Variants in PTPRR observed in about 807,000 individuals in gnomAD.
PTPRR encodes receptor-type tyrosine-protein phosphatase R.
In PTPRR, 38 loss-of-function variants were observed where a neutral mutation model predicts 77.2. The ratio of observed to expected loss-of-function variants is 0.49; its 90% CI spans 0.38 to 0.65. PTPRR has a LOEUF of 0.65. Among genes scored for constraint, PTPRR ranks in the 30% least tolerant of loss-of-function variants. The pLI, the probability that PTPRR is intolerant of heterozygous loss-of-function variation, is 0.00. For synonymous variants in PTPRR, 299 were observed against 283.1 expected (o/e 1.06, Z -0.57); for missense variants, 744 against 799.2 (o/e 0.93, Z 0.83).
At chr12:70,784,655 C>G (rs1163736494) in intron 2 of PTPRR, among the ~76,000 whole-genome samples, 5 of 152,208 alleles carry the variant, frequency 3.3e-5, no homozygotes, top group African/African-American at 1.2e-4. Flanking sequence ...TCACTATTAG[C>G]TATAAAACAG....
At chr12:70,708,046 C>T (rs1888682198) in intron 6 of PTPRR, among the ~76,000 whole-genome samples, 1 of 152,006 alleles carries the variant, frequency 6.6e-6, no homozygotes, top group East Asian at 1.9e-4. Flanking sequence ...ATGTGCTTGC[C>T]CCAACACTTT....
At chr12:70,685,731 C>G (rs1462635260) in intron 8 of PTPRR, among the ~76,000 whole-genome samples, 1 of 152,152 alleles carries the variant, frequency 6.6e-6, no homozygotes. Context: ...CATAAAATAA[C>G]AAACAACATA....
intron 1 of PTPRR, among the ~76,000 whole-genome samples, chr12:70,897,641 C>T (rs144067317): frequency 5.9e-5 from 9 of 151,976 alleles, no homozygotes; most frequent in East Asian, 1.9e-4. Flanking sequence ...TTGACCCAGC[C>T]GTCCCATTAC....
intron 2 of PTPRR, among the ~76,000 whole-genome samples, chr12:70,773,490 T>C (rs1388403218): frequency 6.6e-6 from 1 of 152,200 alleles, no homozygotes; most frequent in Non-Finnish European, 1.5e-5. Context: ...TGTTCATTCC[T>C]GGTTGGAGAG....
intron 2 of PTPRR, among the ~76,000 whole-genome samples, chr12:70,807,739 T>C (rs1203066264): frequency 1.3e-5 from 2 of 152,170 alleles, no homozygotes; most frequent in African/African-American, 4.8e-5. Context: ...ATTTATCACT[T>C]CCCCAATCAA....
chr12:70,812,180 GTTAGA>G (rs1270266064), intron 2 of PTPRR, among the ~76,000 whole-genome samples: 1 of 152,144 alleles, frequency 6.6e-6, no homozygotes, highest in African/African-American at 2.4e-5. Flanking sequence ...TCTCAGAGGT[GTTAGA>G]TTAGAAAAGT....
At chr12:70,805,915 T>C (rs1428898573) in intron 2 of PTPRR, among the ~76,000 whole-genome samples, 3 of 152,242 alleles carry the variant, frequency 2.0e-5, no homozygotes, top group Admixed American at 1.3e-4. Flanking sequence ...ATTATGTATA[T>C]GTATTTCATA....
intron 2 of PTPRR, among the ~76,000 whole-genome samples, chr12:70,867,507 C>A (rs925791314): frequency 3.3e-5 from 5 of 151,880 alleles, no homozygotes; most frequent in African/African-American, 1.2e-4. Context: ...TCAAGGAGAA[C>A]TACAAACCAC....
intron 8 of PTPRR, among the ~76,000 whole-genome samples, chr12:70,687,950 G>A (rs1887928677): frequency 6.6e-6 from 1 of 152,116 alleles, no homozygotes; most frequent in Non-Finnish European, 1.5e-5. Context: ...TATGGAGATG[G>A]AAGCTAGCAC....
chr12:70,775,285 C>A (rs1891065089), intron 2 of PTPRR, among the ~76,000 whole-genome samples: 1 of 152,086 alleles, frequency 6.6e-6, no homozygotes, highest in Non-Finnish European at 1.5e-5. Context: ...TTTGTCAGTT[C>A]CCCACTACTG....
chr12:70,677,702 T>A (rs532179741), intron 10 of PTPRR, among the ~76,000 whole-genome samples: 1 of 152,234 alleles, frequency 6.6e-6, no homozygotes, highest in Non-Finnish European at 1.5e-5. Flanking sequence ...ACGTGATGTA[T>A]CATATTTATT....
At chr12:70,772,357 T>C (rs1890996913) in intron 2 of PTPRR, among the ~76,000 whole-genome samples, 1 of 152,174 alleles carries the variant, frequency 6.6e-6, no homozygotes, top group Admixed American at 6.5e-5. Context: ...TTAGGGGAAC[T>C]TCCCTCAGCT....
At chr12:70,894,484 A>C (rs767867515) in intron 1 of PTPRR, among the ~76,000 whole-genome samples, 3 of 151,724 alleles carry the variant, frequency 2.0e-5, no homozygotes, top group Non-Finnish European at 4.4e-5. Flanking sequence ...CTTAACCCCA[A>C]AGGAATCACT....
chr12:70,894,233 G>A (rs1347984571), intron 1 of PTPRR, among the ~76,000 whole-genome samples: 2 of 151,612 alleles, frequency 1.3e-5, no homozygotes, highest in East Asian at 3.9e-4. Context: ...TCATGCAAGC[G>A]TCTGTACTTT....
At chr12:70,675,715 A>G (rs1286877919) in intron 10 of PTPRR, among the ~76,000 whole-genome samples, 2 of 151,436 alleles carry the variant, frequency 1.3e-5, no homozygotes, top group South Asian at 2.1e-4. Context: ...TGTTTTGGTA[A>G]GATTTTTTTT....
chr12:70,887,366 T>G lies in PTPRR; in HGVS notation c.357+5313A>C, dbSNP rs11178477. Among the ~76,000 whole-genome samples the G allele has an allele frequency of 2.6e-5, 4 of 151,878 alleles. No homozygotes were observed. The East Asian group carries it at 7.7e-4, about 29-fold the overall frequency. Reference sequence around the variant, plus strand: ...ACTTGAGAGGCTGAGGCAGGAGAATTGCTTGAACCCAGGAGGCGAAGGTTG... The same window carrying G: ...ACTTGAGAGGCTGAGGCAGGAGAATGGCTTGAACCCAGGAGGCGAAGGTTG... On this transcript the variant is annotated intron_variant, in intron 2 of 13. Transcript: ENST00000283228.
intron 2 of PTPRR, among the ~76,000 whole-genome samples, chr12:70,876,836 A>G (rs1483414452): frequency 1.3e-5 from 2 of 152,232 alleles, no homozygotes; most frequent in African/African-American, 4.8e-5. Context: ...TTCAAAAAAA[A>G]TTTAGGTGAA....
intron 4 of PTPRR, among the ~76,000 whole-genome samples, chr12:70,758,593 C>T (rs963338485): frequency 3.3e-5 from 5 of 152,056 alleles, no homozygotes; most frequent in Non-Finnish European, 7.3e-5. Flanking sequence ...CCAGTCAGTC[C>T]GTGTAGGGCC....
chr12:70,698,216 C>T (rs1467434369), intron 8 of PTPRR, 49 bp downstream of exon 8: 4 of 1,513,036 alleles, frequency 2.6e-6, no homozygotes, highest in Non-Finnish European at 2.8e-6. Context: ...AATGGCTATC[C>T]CTCCCCTTGC....
Sources: gnomAD v4.1 joint callset for allele counts (sites outside exome capture counted in the v4.1 genomes callset) on GRCh38, gnomAD v4.1.1 for gene constraint, MANE v1.5 for transcripts, NCBI Gene and HGNC (gene_info 2026-07-23, HGNC 2026-07-21) for gene names.